LVRN: variants seen among roughly 807,000 people sequenced by gnomAD.
LVRN encodes aminopeptidase Q.
In LVRN, 99 loss-of-function variants were observed where a neutral mutation model predicts 111.4. That is an observed-to-expected ratio of 0.89 (90% CI 0.76 to 1.05). The LOEUF is 1.05. Among genes scored for constraint, LVRN ranks in the 50% least tolerant of loss-of-function variants. LVRN has a pLI of 0.00. For missense variants in LVRN, 1,414 were observed against 1,206.8 expected, an observed-to-expected ratio of 1.17 and a Z score of -2.54; for synonymous variants, 488 against 449.5, an observed-to-expected ratio of 1.09 and a Z score of -1.08.
intron 13 of LVRN, among the ~76,000 whole-genome samples, chr5:116,006,979 T>G (rs1748389179): frequency 6.6e-6 from 1 of 152,210 alleles, no homozygotes; most frequent in Admixed American, 6.5e-5. Flanking sequence ...CTCAGAGATA[T>G]CCTTGATTCC....
chr5:115,980,941 TCA>T (rs1753548396), intron 1 of LVRN, among the ~76,000 whole-genome samples: 1 of 152,106 alleles, frequency 6.6e-6, no homozygotes, highest in Non-Finnish European at 1.5e-5. Context: ...TCTCTTAGAA[TCA>T]CAGTTTTAGA....
intron 14 of LVRN, among the ~76,000 whole-genome samples, chr5:116,011,513 G>A (rs1748489320): frequency 6.6e-6 from 1 of 152,104 alleles, no homozygotes; most frequent in African/African-American, 2.4e-5. Context: ...CAAAGCGAAA[G>A]TTAGGTAGCC....
At position 116,002,748 on chromosome 5, in the gene LVRN, G is replaced by T. The variant is rs1748262836; in HGVS notation, c.1821-87G>T. 7.4e-6 allele frequency: 7 copies of T among 943,132 alleles called. No individual in the cohort carries two copies. In the South Asian group the frequency reaches 8.3e-5, roughly 11 times the overall value. 58.4% of individuals were successfully genotyped at this position (943,132 alleles called of 1,614,324 possible). ...TGACCAAAGAAACTGAGTTCTGTGTGCTATTTCATCATCTCTTTAATAGTG... is the reference window on the plus strand; with the variant it reads ...TGACCAAAGAAACTGAGTTCTGTGTTCTATTTCATCATCTCTTTAATAGTG... On this transcript the variant is annotated intron_variant, in intron 10 of 19. Coordinates refer to ENST00000357872, the MANE Select transcript of LVRN (RefSeq NM_173800.5).
chr5:116,013,943 A>G (rs989148632), intron 15 of LVRN, among the ~76,000 whole-genome samples: 2 of 152,224 alleles, frequency 1.3e-5, no homozygotes, highest in African/African-American at 4.8e-5. Context: ...TAGAAGAAAC[A>G]CACTAAAGCA....
At chr5:115,989,197 A>C (rs1747930805) in intron 4 of LVRN, among the ~76,000 whole-genome samples, 1 of 152,010 alleles carries the variant, frequency 6.6e-6, no homozygotes, top group South Asian at 2.1e-4. Context: ...GTGACCTCCC[A>C]TTTCCCTGAG....
Position 116,015,383 on chromosome 5 carries a change from C to A in LVRN, c.2582C>A (p.Ala861Glu), listed in dbSNP as rs1331918360. The stretch of plus-strand genomic sequence containing the variant: ...GAAGAAAAGATTCAACTTGCTTATG[C>A]AATGAGCTGCAGCAAAGACCCATGG... ...NKEEKIQLAY[A>E]MSCSKDPWIL... is the part of the protein sequence containing the mutation. The change falls in exon 17 of 20, where the codon GCA (alanine) becomes GAA (glutamate). Residue 861 changes from alanine to glutamate, a missense_variant. Ala to Glu is a moderately radical substitution (Grantham distance 107). Coordinates refer to ENST00000357872, the MANE Select transcript of LVRN (RefSeq NM_173800.5). The A allele has an allele frequency of 1.1e-5, 17 of 1,508,428 alleles. No individual in the cohort carries two copies. The highest frequency in any genetic ancestry group is 1.5e-5 in the Non-Finnish European group (17 of 1,119,254). 93.4% of individuals were successfully genotyped at this position (1,508,428 alleles called of 1,614,324 possible).
At chr5:116,011,232 T>C (rs1348760969) in intron 14 of LVRN, among the ~76,000 whole-genome samples, 1 of 151,180 alleles carries the variant, frequency 6.6e-6, no homozygotes, top group East Asian at 1.9e-4. Flanking sequence ...TATTAGCAAC[T>C]ATTTTCCTAA....
At chr5:115,982,744 T>C (rs1051193546) in intron 1 of LVRN, among the ~76,000 whole-genome samples, 2 of 152,116 alleles carry the variant, frequency 1.3e-5, no homozygotes, top group African/African-American at 4.8e-5. Context: ...CCTTTACCCA[T>C]ATATAATTGA....
Position 115,963,134 on chromosome 5 carries a change from C to G in LVRN, c.517C>G (p.Arg173Gly), listed in dbSNP as rs751292875. ...GGGCACTGGGAACGCCACAGTGGGC[C>G]GCGTGCCCGTGGACGACGTGTGGTT... The part of the protein sequence containing the change: ...SPGTGNATVG[R>G]VPVDDVWFAL... Residue 173 changes from arginine (R) to glycine (G), a missense_variant, in exon 1 of 20, where the codon CGC becomes GGC. Arg to Gly is a moderately radical substitution (Grantham distance 125). Coordinates refer to ENST00000357872, the MANE Select transcript of LVRN (RefSeq NM_173800.5). 3.7e-6 allele frequency: 6 copies of G among 1,613,398 alleles called. No individual in the cohort carries two copies. The highest frequency in any genetic ancestry group is 4.2e-6 in the Non-Finnish European group (5 of 1,179,896).
intron 1 of LVRN, among the ~76,000 whole-genome samples, chr5:115,976,988 G>T (rs1237120282): frequency 6.6e-6 from 1 of 152,062 alleles, no homozygotes; most frequent in Non-Finnish European, 1.5e-5. Flanking sequence ...TCCCTCTGTT[G>T]AATAATCTAT....
At position 115,962,907 on chromosome 5, in the gene LVRN, G is replaced by A. The variant is rs1753114794; in HGVS notation, c.290G>A (p.Arg97His). ...CCCCCGGGGCCCTGGGACCAGCTAC[G>A]CCTGCCGCCCTGGCTCGTGCCGCTG... is the stretch of plus-strand genomic sequence containing the variant. ...WRPPGPWDQLRLPPWLVPLHY... is the reference protein window; with the variant it reads ...WRPPGPWDQLHLPPWLVPLHY... The change falls in exon 1 of 20, where the codon CGC becomes CAC. Residue 97 changes from arginine (R) to histidine (H), a missense_variant. Physicochemically the swap from Arg to His is conservative, Grantham distance 29. Transcript: ENST00000357872. 6.2e-7 allele frequency: 1 copy of A among 1,612,936 alleles called. No individual in the cohort carries two copies. Among genetic ancestry groups the A allele is most frequent in the Non-Finnish European group, 8.5e-7 (1 of 1,179,724 alleles).
Position 116,022,482 on chromosome 5 carries a change from A to G in LVRN, c.2832+16A>G, listed in dbSNP as rs773329951. On this transcript the variant is annotated intron_variant, in intron 19 of 19. Coordinates refer to ENST00000357872, the MANE Select transcript of LVRN (RefSeq NM_173800.5). ...GATTGTGGAGGTAAGTACTTTAAAT[A>G]TTATGAAATACAATGATAATTTGGA... 1.0e-5 allele frequency: 15 copies of G among 1,487,968 alleles called. No individual in the cohort carries two copies. In the African/African-American group the frequency reaches 2.0e-4, roughly 20 times the overall value. The allele number at this position is 1,487,968 out of a possible 1,614,324, so 92.2% of individuals were successfully genotyped here. A position where few individuals can be genotyped will look rare whatever the true frequency, so the allele number is the denominator to read the frequency against.
In LVRN at chr5:115,994,104, A is replaced by G. The variant is rs1330304568; in HGVS notation, c.1374+250A>G. On this transcript the variant is annotated intron_variant, in intron 6 of 19. Coordinates refer to ENST00000357872, the MANE Select transcript of LVRN (RefSeq NM_173800.5). Reference sequence around the variant, plus strand: ...CTTTTTTTACTTCATATTCAACTTCATATTTCTACATATTCATATTTCTAC... The same window carrying G: ...CTTTTTTTACTTCATATTCAACTTCGTATTTCTACATATTCATATTTCTAC... Among the ~76,000 whole-genome samples, 3 of 152,008 alleles carry G rather than the reference A, an allele frequency of 2.0e-5. No homozygotes were observed. The East Asian group carries it at 5.8e-4, about 29-fold the overall frequency.
chr5:115,983,742 G>A (rs1190733707), intron 2 of LVRN, among the ~76,000 whole-genome samples: 1 of 152,110 alleles, frequency 6.6e-6, no homozygotes, highest in African/African-American at 2.4e-5. Flanking sequence ...TGAATCTGGT[G>A]CACAGCTGTG....
At chr5:115,991,316 C>A (rs796808014) in intron 4 of LVRN, among the ~76,000 whole-genome samples, 8 of 152,294 alleles carry the variant, frequency 5.3e-5, no homozygotes, top group African/African-American at 1.9e-4. Context: ...CTTTCCCAGA[C>A]CAGCTTCTTT....
intron 4 of LVRN, among the ~76,000 whole-genome samples, chr5:115,989,539 T>A (rs1443577757): frequency 6.6e-6 from 1 of 152,188 alleles, no homozygotes; most frequent in African/African-American, 2.4e-5. Context: ...ATTATCTCCC[T>A]CATTAGACCT....
Position 115,992,222 on chromosome 5 carries a change from T to C in LVRN, c.1205T>C (p.Leu402Pro), listed in dbSNP as rs758910161. 1.2e-6 allele frequency: 2 copies of C among 1,613,944 alleles called. No individual in the cohort carries two copies. Among genetic ancestry groups the C allele is most frequent in the Non-Finnish European group, 1.7e-6 (2 of 1,179,874 alleles). The part of the protein sequence containing the change: ...SGLLLEPKDQ[L>P]TEKKTLISYV... ...TTGTTGTTGGAACCAAAAGATCAAC[T>C]GACAGAAAAAAAGACTCTGATCTCC... The change falls in exon 5 of 20, where the codon CTG becomes CCG. Residue 402 changes from leucine to proline, a missense_variant. Leu to Pro is a moderately conservative substitution (Grantham distance 98). Transcript: ENST00000357872.
chr5:115,971,497 G>T (rs1753325297), intron 1 of LVRN, among the ~76,000 whole-genome samples: 1 of 152,066 alleles, frequency 6.6e-6, no homozygotes, highest in Admixed American at 6.5e-5. Context: ...TTTTGCATAT[G>T]GTGTGAGGTA....
intron 1 of LVRN, among the ~76,000 whole-genome samples, chr5:115,973,389 A>C (rs1312394000): frequency 6.6e-6 from 1 of 152,214 alleles, no homozygotes. Context: ...TATTTGTCCA[A>C]TTTTGATGTC....
Sources: allele counts gnomAD v4.1 joint callset (sites outside exome capture counted in the v4.1 genomes callset), GRCh38; gene constraint gnomAD v4.1.1; transcripts MANE v1.5; gene names NCBI Gene and HGNC (gene_info 2026-07-23, HGNC 2026-07-21).